CACNA2D1: variants seen among roughly 807,000 people sequenced by gnomAD.
The protein encoded by CACNA2D1 is calcium voltage-gated channel auxiliary subunit alpha2delta 1, also known as voltage-dependent calcium channel subunit alpha-2/delta-1.
In CACNA2D1, 53 loss-of-function variants were observed where a neutral mutation model predicts 171.5. The observed-to-expected ratio is 0.31, with a 90% CI of 0.25 to 0.39. The LOEUF is 0.39. Among genes scored for constraint, CACNA2D1 ranks in the 10% least tolerant of loss-of-function variants. The pLI, the probability that CACNA2D1 is intolerant of heterozygous loss-of-function variation, is 1.00. For synonymous variants in CACNA2D1, 442 were observed against 443.1 expected, an observed-to-expected ratio of 1.00 and a Z score of 0.03; for missense variants, 903 against 1,299.8, an observed-to-expected ratio of 0.69 and a Z score of 4.69.
intron 12 of CACNA2D1, among the ~76,000 whole-genome samples, chr7:82,016,617 C>A (rs1261925903): frequency 4.1e-5 from 5 of 122,100 alleles, no homozygotes; most frequent in Non-Finnish European, 8.7e-5. Context: ...CCCGCCCCCC[C>A]CCCCCAAAAA....
At chr7:82,241,342 T>C (rs1444775208) in intron 3 of CACNA2D1, among the ~76,000 whole-genome samples, 1 of 152,216 alleles carries the variant, frequency 6.6e-6, no homozygotes, top group Non-Finnish European at 1.5e-5. Context: ...TATTTTATTC[T>C]CTACACCACA....
At chr7:82,006,716 G>A (rs984277103) in intron 16 of CACNA2D1, among the ~76,000 whole-genome samples, 10 of 151,986 alleles carry the variant, frequency 6.6e-5, no homozygotes, top group South Asian at 2.1e-4. Flanking sequence ...CTGTGAACAC[G>A]TATGAGAAAG....
intron 4 of CACNA2D1, 99 bp from the exon 5 acceptor site, chr7:82,136,775 A>T (rs1563100458): frequency 1.2e-6 from 1 of 834,516 alleles, no homozygotes; most frequent in Non-Finnish European, 1.9e-6. Flanking sequence ...ACTCCTTGTC[A>T]TCTTTCTTTC....
intron 1 of CACNA2D1, among the ~76,000 whole-genome samples, chr7:82,414,112 G>A (rs116506422): frequency 1.3e-5 from 2 of 152,196 alleles, no homozygotes; most frequent in East Asian, 1.9e-4. Context: ...ATTACAAGAT[G>A]AGCTCAGAAA....
At chr7:82,356,254 C>T (rs547339875) in intron 1 of CACNA2D1, among the ~76,000 whole-genome samples, 60 of 152,238 alleles carry the variant, frequency 3.9e-4, no homozygotes, top group African/African-American at 1.3e-3. Context: ...AACACAGCCC[C>T]GCTAGCTTTT....
At chr7:82,293,003 C>T (rs2129417733) in intron 3 of CACNA2D1, among the ~76,000 whole-genome samples, 1 of 151,724 alleles carries the variant, frequency 6.6e-6, no homozygotes, top group African/African-American at 2.4e-5. Context: ...TTTTCGGAAA[C>T]CTTATTTTAT....
At chr7:82,291,708 T>C (rs1811657120) in intron 3 of CACNA2D1, among the ~76,000 whole-genome samples, 1 of 150,276 alleles carries the variant, frequency 6.7e-6, no homozygotes, top group Non-Finnish European at 1.5e-5. Context: ...TCTCACTATG[T>C]TGCCCAGGCT....
At chr7:82,163,699 A>G (rs1048935351) in intron 4 of CACNA2D1, among the ~76,000 whole-genome samples, 1 of 152,022 alleles carries the variant, frequency 6.6e-6, no homozygotes, top group Admixed American at 6.6e-5. Context: ...CATAGAGCAC[A>G]TTGAATCCAG....
At chr7:82,140,813 G>A (rs1257258869) in intron 4 of CACNA2D1, among the ~76,000 whole-genome samples, 1 of 151,794 alleles carries the variant, frequency 6.6e-6, no homozygotes, top group Non-Finnish European at 1.5e-5. Context: ...AAATTGGCAG[G>A]GCGTGGTGGC....
chr7:82,151,775 A>G (rs1210020765), intron 4 of CACNA2D1, among the ~76,000 whole-genome samples: 2 of 152,152 alleles, frequency 1.3e-5, no homozygotes, highest in Non-Finnish European at 2.9e-5. Flanking sequence ...TTTTGATCAT[A>G]TTAACTTCTT....
At chr7:82,248,243 T>C (rs1409156802) in intron 3 of CACNA2D1, among the ~76,000 whole-genome samples, 1 of 152,226 alleles carries the variant, frequency 6.6e-6, no homozygotes, top group African/African-American at 2.4e-5. Context: ...TTGACTGTTT[T>C]TTCTAAATTG....
At chr7:82,300,824 T>C (rs1812909871) in intron 3 of CACNA2D1, among the ~76,000 whole-genome samples, 1 of 152,000 alleles carries the variant, frequency 6.6e-6, no homozygotes, top group South Asian at 2.1e-4. Context: ...TAGTATTTAC[T>C]TTCTAAAATT....
intron 3 of CACNA2D1, among the ~76,000 whole-genome samples, chr7:82,202,327 G>A (rs112189558): frequency 4.5e-4 from 69 of 152,162 alleles, no homozygotes; most frequent in African/African-American, 1.6e-3. Flanking sequence ...CACTCCCCTC[G>A]GTCCTCAGCT....
intron 10 of CACNA2D1, among the ~76,000 whole-genome samples, chr7:82,051,468 AT>A (rs1008557601): frequency 8.1e-4 from 123 of 151,500 alleles, no homozygotes; most frequent in East Asian, 3.5e-3. Context: ...TATTTTGATT[AT>A]TTTTTTTTCT....
chr7:82,311,353 A>C (rs1814444010), intron 3 of CACNA2D1, among the ~76,000 whole-genome samples: 1 of 151,980 alleles, frequency 6.6e-6, no homozygotes. Flanking sequence ...AGAATTTCTA[A>C]AACTCCAATA....
chr7:81,985,853 A>C (rs1028156453), intron 21 of CACNA2D1, among the ~76,000 whole-genome samples: 50 of 152,202 alleles, frequency 3.3e-4, no homozygotes, highest in Non-Finnish European at 7.3e-5. Context: ...ATCTTAGGCC[A>C]AATTCAGAAT....
chr7:82,268,518 CTTT>C (rs1255602646), intron 3 of CACNA2D1, among the ~76,000 whole-genome samples: 1 of 151,940 alleles, frequency 6.6e-6, no homozygotes, highest in Non-Finnish European at 1.5e-5. Context: ...ACACGCAGTC[CTTT>C]TTTTTCTTCT....
At chr7:82,425,630 G>A (rs1453156421) in intron 1 of CACNA2D1, among the ~76,000 whole-genome samples, 3 of 149,114 alleles carry the variant, frequency 2.0e-5, no homozygotes, top group Non-Finnish European at 3.0e-5. Flanking sequence ...CAGCCCCAAC[G>A]TTCAGGCTCA....
rs1030932257 is a variant in CACNA2D1 at position 81,948,842 on chromosome 7, T to C, written c.*1550A>G. 6.6e-6 allele frequency: 1 copy of C among 151,920 alleles called. No homozygotes were observed. The highest frequency in any genetic ancestry group is 1.5e-5 in the Non-Finnish European group (1 of 67,862). The allele number at this position is 151,920 out of a possible 1,614,324, so 9.4% of individuals were successfully genotyped here. A position where few individuals can be genotyped will look rare whatever the true frequency, so the allele number is the denominator to read the frequency against. ...TTCAAATACTGTTTGCTCCAGAAAATAATTTTTAAAAGCATAAATAATCTG... is the reference window on the plus strand; with the variant it reads ...TTCAAATACTGTTTGCTCCAGAAAACAATTTTTAAAAGCATAAATAATCTG... On this transcript the variant is annotated 3_prime_UTR_variant, in exon 39 of 39. Transcript: ENST00000356860.
Sources: gnomAD v4.1 joint callset for allele counts (sites outside exome capture counted in the v4.1 genomes callset) on GRCh38, gnomAD v4.1.1 for gene constraint, MANE v1.5 for transcripts, NCBI Gene and HGNC (gene_info 2026-07-23, HGNC 2026-07-21) for gene names.